RGS6: variants seen among roughly 807,000 people sequenced by gnomAD.
RGS6 encodes regulator of G protein signaling 6, also known as regulator of G-protein signaling 6.
RGS6 carries 30 observed loss-of-function variants against 78.5 expected under a neutral mutation model. The observed-to-expected ratio is 0.38, with a 90% CI of 0.29 to 0.52. The LOEUF (loss-of-function observed/expected upper bound fraction) is 0.52, where lower values mean the gene tolerates loss of function less well. Ranked by LOEUF, RGS6 falls within the 20% of genes least tolerant of loss-of-function variation. The probability of loss-of-function intolerance (pLI) is 0.85; values close to 1 mark genes in which losing one functional copy is unlikely to be tolerated. For missense variants in RGS6, 495 were observed against 609.7 expected (o/e 0.81, Z 1.98); for synonymous variants, 206 against 206.0 (o/e 1.00, Z 0.00).
chr14:72,561,284 A>T (rs2097672626), intron 17 of RGS6, among the ~76,000 whole-genome samples: 1 of 152,038 alleles, frequency 6.6e-6, no homozygotes, highest in African/African-American at 2.4e-5. Context: ...TTGCAATCTC[A>T]CGGCCAAACA....
At chr14:72,051,959 G>A (rs949616336) in intron 2 of RGS6, among the ~76,000 whole-genome samples, 1 of 152,002 alleles carries the variant, frequency 6.6e-6, no homozygotes, top group African/African-American at 2.4e-5. Context: ...GAAATTCTAG[G>A]TGGATGGTTT....
At chr14:72,538,704 C>T (rs2097281767) in intron 16 of RGS6, among the ~76,000 whole-genome samples, 1 of 152,210 alleles carries the variant, frequency 6.6e-6, no homozygotes, top group Non-Finnish European at 1.5e-5. Context: ...TGGTATGGTA[C>T]CCGGGGCCAA....
At position 72,397,946 on chromosome 14, in the gene RGS6, G is replaced by A. The variant is rs577906036; in HGVS notation, c.184+45752G>A. ...AGCTTTTTGATGTGCTGCTGGATTC[G>A]GTTTGCCAGTATTTTACCGAGAATT... On this transcript the variant is annotated intron_variant, in intron 3 of 17. Transcript: ENST00000553525. 1.0e-3 allele frequency among the ~76,000 whole-genome samples: 156 copies of A among 152,152 alleles called. 1 individual carries two copies. Among genetic ancestry groups the A allele is most frequent in the Non-Finnish European group, 1.8e-3 (125 of 68,004 alleles).
At chr14:72,313,279 G>A (rs909907565) in intron 2 of RGS6, among the ~76,000 whole-genome samples, 3 of 152,194 alleles carry the variant, frequency 2.0e-5, no homozygotes, top group Non-Finnish European at 4.4e-5. Flanking sequence ...AGCATATTAA[G>A]CACTTCAAGA....
intron 2 of RGS6, among the ~76,000 whole-genome samples, chr14:72,326,734 G>C (rs576119974): frequency 6.6e-6 from 1 of 152,134 alleles, no homozygotes; most frequent in Non-Finnish European, 1.5e-5. Flanking sequence ...ATGGAGTCTC[G>C]CTCTGTCCCC....
chr14:72,074,336 T>C (rs1201027833), intron 2 of RGS6, among the ~76,000 whole-genome samples: 1 of 152,148 alleles, frequency 6.6e-6, no homozygotes, highest in African/African-American at 2.4e-5. Context: ...GCTGGGACTA[T>C]AGGTGCTTGC....
chr14:72,003,149 A>G (rs2083811385), intron 2 of RGS6, among the ~76,000 whole-genome samples: 1 of 152,170 alleles, frequency 6.6e-6, no homozygotes. Context: ...AAATATTGTC[A>G]TTGTTCTATG....
chr14:72,177,810 G>T (rs541827673), intron 2 of RGS6, among the ~76,000 whole-genome samples: 1 of 152,140 alleles, frequency 6.6e-6, no homozygotes, highest in Non-Finnish European at 1.5e-5. Flanking sequence ...GGAGAAAATC[G>T]CATGGAATTT....
the RGS6 span, among the ~76,000 whole-genome samples, chr14:71,876,473 C>CTTTTTTTTTTTTTTTTTTTTTTTTT: frequency 1.4e-5 from 1 of 72,470 alleles, no homozygotes; most frequent in African/African-American, 6.1e-5. Context: ...GCAACCGCTG[C>CTTTTTTTTTTTTTTTTTTTTTTTTT]TTTTTTTTTT....
intron 17 of RGS6, among the ~76,000 whole-genome samples, chr14:72,549,093 T>C (rs1380145645): frequency 2.0e-5 from 3 of 152,158 alleles, no homozygotes; most frequent in East Asian, 1.9e-4. Flanking sequence ...AGGAGTTTGC[T>C]GAGATTGGAG....
At chr14:72,506,984 T>TAAAAAAAAAAAAA (rs71109738) in intron 13 of RGS6, among the ~76,000 whole-genome samples, 30 of 54,392 alleles carry the variant, frequency 5.5e-4, no homozygotes, top group Admixed American at 1.4e-3. Context: ...CTGTCTCTAC[T>TAAAAAAAAAAAAA]AAAAAAAAAA....
At chr14:72,382,991 A>G (rs954389363) in intron 3 of RGS6, among the ~76,000 whole-genome samples, 2 of 151,964 alleles carry the variant, frequency 1.3e-5, no homozygotes, top group Non-Finnish European at 2.9e-5. Flanking sequence ...GGTACTCGGT[A>G]TCAATCTCAA....
chr14:71,981,977 A>G (rs1272887776), intron 2 of RGS6, among the ~76,000 whole-genome samples: 1 of 152,028 alleles, frequency 6.6e-6, no homozygotes, highest in African/African-American at 2.4e-5. Context: ...GGTGTGGGAT[A>G]TAATCTCGTG....
At chr14:72,064,208 T>C (rs901611958) in intron 2 of RGS6, among the ~76,000 whole-genome samples, 8 of 151,756 alleles carry the variant, frequency 5.3e-5, no homozygotes, top group Middle Eastern at 3.2e-3. Context: ...GATTTTTGGG[T>C]GGTGCCCTAG....
chr14:72,486,929 G>T (rs2096497133), intron 12 of RGS6, among the ~76,000 whole-genome samples: 1 of 152,116 alleles, frequency 6.6e-6, no homozygotes, highest in Non-Finnish European at 1.5e-5. Context: ...TCTCTGCCCA[G>T]CGTGGGGTGT....
At chr14:72,537,598 T>G in intron 16 of RGS6, 1 of 702,188 alleles carries the variant, frequency 1.4e-6, no homozygotes, top group Non-Finnish European at 2.6e-6. Context: ...AGGGGCTCCT[T>G]TGGAGGAGGC....
At position 72,177,278 on chromosome 14, in the gene RGS6, G is replaced by T. The variant is rs529666478; in HGVS notation, c.85-174817G>T. Among the ~76,000 whole-genome samples the T allele has an allele frequency of 1.8e-4, 28 of 152,216 alleles. No individual in the cohort carries two copies. In the South Asian group the frequency reaches 3.7e-3, roughly 20 times the overall value. ...TATAGGTTCCATAGGCCACATATAG[G>T]TAGGCCTATTTGTATCTTTATATTT... On this transcript the variant is annotated intron_variant, in intron 2 of 17. Coordinates refer to ENST00000553525, the MANE Select transcript of RGS6 (RefSeq NM_001204424.2).
the RGS6 span, among the ~76,000 whole-genome samples, chr14:71,888,704 T>C: frequency 6.6e-6 from 1 of 152,040 alleles, no homozygotes; most frequent in African/African-American, 2.4e-5. Flanking sequence ...GTACACAGCC[T>C]TCTGTCCTCA....
In RGS6 at chr14:71,951,910, A is replaced by G. The variant is rs551429206; in HGVS notation, c.-20-12862A>G. 3.3e-5 allele frequency among the ~76,000 whole-genome samples: 5 copies of G among 152,272 alleles called. No individual in the cohort carries two copies. The East Asian group carries it at 9.6e-4, about 29-fold the overall frequency. On this transcript the variant is annotated intron_variant, in intron 1 of 17. Coordinates refer to ENST00000553525, the MANE Select transcript of RGS6 (RefSeq NM_001204424.2). ...ATATCATTTTCTGATTGTTGCTGAT[A>G]TACAAAAAATACAATTGAGTTTTAT... is the stretch of plus-strand genomic sequence containing the variant.
Sources: allele counts gnomAD v4.1 joint callset (sites outside exome capture counted in the v4.1 genomes callset), GRCh38; gene constraint gnomAD v4.1.1; transcripts MANE v1.5; gene names NCBI Gene and HGNC (gene_info 2026-07-23, HGNC 2026-07-21).